Variants in TTC34 observed in about 807,000 individuals in gnomAD.
The protein encoded by TTC34 is tetratricopeptide repeat protein 34.
TTC34 carries 44 observed loss-of-function variants against 40.7 expected under a neutral mutation model. That is an observed-to-expected ratio of 1.08 (90% confidence interval 0.85 to 1.39). TTC34 has a LOEUF of 1.39. TTC34 is among the 40% of genes most tolerant of loss of function. The pLI, the probability that TTC34 is intolerant of heterozygous loss-of-function variation, is 0.00. For synonymous variants in TTC34, 422 were observed against 398.6 expected, an observed-to-expected ratio of 1.06 and a Z score of -0.70; for missense variants, 884 against 838.0, an observed-to-expected ratio of 1.05 and a Z score of -0.68.
chr1:2,798,920 TC>T (rs1557695171), intron 2 of TTC34, among the ~76,000 whole-genome samples: 7 of 47,210 alleles, frequency 1.5e-4, no homozygotes, highest in Non-Finnish European at 2.0e-4. Context: ...CCTCCAAGCC[TC>T]GCAGCCCCCC....
chr1:2,644,304 A>G (rs1370951486), exon 8 of TTC34: 1 of 1,535,438 alleles, frequency 6.5e-7, no homozygotes, highest in Non-Finnish European at 8.7e-7. Flanking sequence ...CAGGAGATGC[A>G]GCAGGCAGCT....
chr1:2,654,899 G>T lies in TTC34; in HGVS notation c.2227-9336C>A, dbSNP rs1639287480. On this transcript the variant is annotated intron_variant, in intron 6 of 8. Coordinates refer to ENST00000401095, the Ensembl canonical transcript of TTC34. Reference sequence around the variant, plus strand: ...GCCTGGAGCAGCACCCACACTCCAGGTGAGCATCTGACAGCCTGAAGCAGC... The same window carrying T: ...GCCTGGAGCAGCACCCACACTCCAGTTGAGCATCTGACAGCCTGAAGCAGC... Among the ~76,000 whole-genome samples, 4 of 152,080 alleles carry T rather than the reference G, an allele frequency of 2.6e-5. No homozygotes were observed. In the South Asian group the frequency reaches 8.4e-4, roughly 32 times the overall value.
intron 6 of TTC34, among the ~76,000 whole-genome samples, chr1:2,757,406 G>A (rs1420068372): frequency 2.8e-3 from 38 of 13,584 alleles, no homozygotes; most frequent in East Asian, 5.8e-3. Flanking sequence ...GTGAGCATGT[G>A]ACAGCCTGGA....
chr1:2,675,227 A>T (rs1375718311), intron 6 of TTC34, among the ~76,000 whole-genome samples: 2 of 147,098 alleles, frequency 1.4e-5, no homozygotes, highest in African/African-American at 2.5e-5. Context: ...GAGAGCCTGG[A>T]ACAGCACCCA....
chr1:2,646,604 T>G (rs962645368), intron 6 of TTC34, among the ~76,000 whole-genome samples: 3 of 152,226 alleles, frequency 2.0e-5, no homozygotes, highest in Non-Finnish European at 4.4e-5. Context: ...CAGGCTGGTA[T>G]GGAACTTCTG....
chr1:2,676,913 G>A (rs1268314304), intron 6 of TTC34, among the ~76,000 whole-genome samples: 11 of 140,338 alleles, frequency 7.8e-5, no homozygotes, highest in African/African-American at 2.5e-4. Context: ...TGACAGCCTG[G>A]AGCAGCACCC....
intron 6 of TTC34, among the ~76,000 whole-genome samples, chr1:2,750,047 T>C (rs1483746742): frequency 0.15 from 1,603 of 11,040 alleles, no homozygotes; most frequent in Middle Eastern, 0.31. Context: ...ACCCACACCC[T>C]CAGGTGAGCA....
intron 6 of TTC34, among the ~76,000 whole-genome samples, chr1:2,655,589 G>C (rs796373155): frequency 7.0e-6 from 1 of 143,552 alleles, no homozygotes; most frequent in South Asian, 2.1e-4. Context: ...GTTAGCATCT[G>C]ACAGCCTGGA....
At chr1:2,698,487 T>A (rs191158699) in intron 6 of TTC34, among the ~76,000 whole-genome samples, 5 of 14,172 alleles carry the variant, frequency 3.5e-4, no homozygotes, top group Non-Finnish European at 6.7e-4. Context: ...GCACCCACAC[T>A]CCCAGGCGAG....
intron 6 of TTC34, among the ~76,000 whole-genome samples, chr1:2,681,345 C>A (rs1210608877): frequency 6.0e-5 from 5 of 83,188 alleles, no homozygotes; most frequent in East Asian, 3.0e-4. Context: ...CACGCTGCCC[C>A]CCCAGGTGAG....
exon 4 of TTC34, chr1:2,787,624 C>T (rs1441328771): frequency 1.9e-6 from 3 of 1,549,976 alleles, no homozygotes; most frequent in East Asian, 2.4e-5. Context: ...TACAGGGCAT[C>T]AGCCGCCAGG....
At position 2,700,527 on chromosome 1, in the gene TTC34, C is replaced by T. The variant is rs561703677; in HGVS notation, c.2227-54964G>A. Among the ~76,000 whole-genome samples, 244 of 88,918 alleles carry T rather than the reference C, an allele frequency of 2.7e-3. 1 individual carries two copies. The highest frequency in any genetic ancestry group is 7.5e-3 in the African/African-American group (232 of 30,756). 58.3% of individuals were successfully genotyped at this position (88,918 alleles called of 152,430 possible). A position where few individuals can be genotyped will look rare whatever the true frequency, so the allele number is the denominator to read the frequency against. ...GAGGATCTGACAACCTGGAACAGAA[C>T]CCCACTCTTCCAGGTGAGAATCTGA... On this transcript the variant is annotated intron_variant, in intron 6 of 8. Coordinates refer to ENST00000401095, the Ensembl canonical transcript of TTC34.
intron 6 of TTC34, among the ~76,000 whole-genome samples, chr1:2,685,284 G>T (rs1352524652): frequency 3.2e-5 from 4 of 123,738 alleles, no homozygotes; most frequent in Non-Finnish European, 6.6e-5. Flanking sequence ...TGCACCCCCA[G>T]GTGAGCATCC....
intron 6 of TTC34, among the ~76,000 whole-genome samples, chr1:2,681,385 C>A (rs201729516): frequency 1.4e-4 from 10 of 73,182 alleles, no homozygotes; most frequent in Non-Finnish European, 2.5e-4. Flanking sequence ...GCACACACAC[C>A]CCCAGGCGAG....
At chr1:2,692,416 AC>A (rs1412568280) in intron 6 of TTC34, among the ~76,000 whole-genome samples, 1 of 88,308 alleles carries the variant, frequency 1.1e-5, no homozygotes, top group African/African-American at 3.9e-5. Flanking sequence ...CTGGAGCAGC[AC>A]CCACACCCCC....
intron 6 of TTC34, among the ~76,000 whole-genome samples, chr1:2,677,064 C>G (rs1639932558): frequency 2.4e-5 from 2 of 82,980 alleles, no homozygotes; most frequent in Admixed American, 1.3e-4. Context: ...AAGTGAGCAT[C>G]TGATTGTCTG....
chr1:2,683,419 A>T (rs1288280012), intron 6 of TTC34, among the ~76,000 whole-genome samples: 1 of 132,826 alleles, frequency 7.5e-6, no homozygotes, highest in African/African-American at 3.0e-5. Flanking sequence ...ATAGCCTGGA[A>T]CACCACCCTT....
intron 6 of TTC34, among the ~76,000 whole-genome samples, chr1:2,680,683 C>T (rs1283770218): frequency 3.8e-5 from 4 of 105,788 alleles, no homozygotes; most frequent in African/African-American, 1.2e-4. Context: ...CATCTGACAG[C>T]CTGGAACAGC....
intron 3 of TTC34, among the ~76,000 whole-genome samples, chr1:2,788,759 A>G (rs1643624249): frequency 6.6e-6 from 1 of 152,118 alleles, no homozygotes; most frequent in Non-Finnish European, 1.5e-5. Context: ...TCTCATGGAG[A>G]GAACATCCTG....
Sources: gnomAD v4.1 joint callset for allele counts (sites outside exome capture counted in the v4.1 genomes callset) on GRCh38, gnomAD v4.1.1 for gene constraint, MANE v1.5 for transcripts, NCBI Gene and HGNC (gene_info 2026-07-23, HGNC 2026-07-21) for gene names.